MEIG1: variants seen among roughly 807,000 people sequenced by gnomAD.
MEIG1 encodes meiosis expressed gene 1 protein homolog.
A neutral mutation model predicts 11.3 loss-of-function variants in MEIG1; 12 were observed. The ratio of observed to expected loss-of-function variants is 1.07; its 90% CI spans 0.68 to 1.73. The LOEUF (loss-of-function observed/expected upper bound fraction) is 1.73, where lower values mean the gene tolerates loss of function less well. Among genes scored for constraint, MEIG1 ranks in the 40% most tolerant of loss-of-function variants. MEIG1 has a pLI of 0.00. For missense variants in MEIG1, 119 were observed against 104.9 expected, an observed-to-expected ratio of 1.13 and a Z score of -0.59; for synonymous variants, 41 against 33.2, an observed-to-expected ratio of 1.24 and a Z score of -0.81.
upstream of MEIG1, among the ~76,000 whole-genome samples, chr10:14,954,677 T>C (rs149183018): frequency 2.6e-5 from 4 of 152,172 alleles, no homozygotes; most frequent in African/African-American, 9.6e-5. Flanking sequence ...TGCTGGCCTC[T>C]CCCCTGGGCC....
Position 14,987,138 on chromosome 10 carries a change from T to C in MEIG1, n.285+124T>C, listed in dbSNP as rs180776747. 8.9e-5 allele frequency: 77 copies of C among 865,666 alleles called. 3 individuals are homozygous for C. In the South Asian group the frequency reaches 1.0e-3, roughly 12 times the overall value. The allele number at this position is 865,666 out of a possible 1,614,324, so 53.6% of individuals were successfully genotyped here. A position where few individuals can be genotyped will look rare whatever the true frequency, so the allele number is the denominator to read the frequency against. ...AAAAGGACCAAGAAAGACATCTGTG[T>C]CAGGCAGCCCGCATGAGAGATGACT... On this transcript the variant is annotated intron_variant and non_coding_transcript_variant, in intron 2 of 2. Transcript: ENST00000467536.
chr10:14,980,601 G>A (rs1199351994), intron 1 of MEIG1, among the ~76,000 whole-genome samples: 1 of 152,106 alleles, frequency 6.6e-6, no homozygotes, highest in Non-Finnish European at 1.5e-5. Flanking sequence ...AGGGCAATCC[G>A]TTCTCTTGGC....
chr10:14,975,206 T>C (rs555350566), downstream of MEIG1, among the ~76,000 whole-genome samples: 9 of 152,192 alleles, frequency 5.9e-5, no homozygotes, highest in South Asian at 1.9e-3. Context: ...TTCTGTGACA[T>C]TGTTCCTAAT....
intron 2 of MEIG1, among the ~76,000 whole-genome samples, chr10:14,967,031 G>C (rs920251134): frequency 2.0e-5 from 3 of 152,160 alleles, no homozygotes; most frequent in African/African-American, 7.2e-5. Flanking sequence ...AGGACGCCCA[G>C]CCAGACTCTC....
intron 1 of MEIG1, among the ~76,000 whole-genome samples, chr10:14,961,993 T>C (rs1325259290): frequency 6.6e-6 from 1 of 151,924 alleles, no homozygotes; most frequent in Non-Finnish European, 1.5e-5. Context: ...TTTGTAGAGA[T>C]AGGGTCTCAC....
At chr10:14,980,294 GTA>G (rs1209969132) in intron 1 of MEIG1, among the ~76,000 whole-genome samples, 1 of 151,996 alleles carries the variant, frequency 6.6e-6, no homozygotes, top group East Asian at 1.9e-4. Context: ...TCACAGCGGT[GTA>G]TATCCTGCGA....
At chr10:14,981,552 C>G (rs936218081) in intron 1 of MEIG1, among the ~76,000 whole-genome samples, 1 of 152,060 alleles carries the variant, frequency 6.6e-6, no homozygotes, top group Non-Finnish European at 1.5e-5. Context: ...CGGTTACTAG[C>G]GAATGTTCAG....
intron 1 of MEIG1, among the ~76,000 whole-genome samples, chr10:14,985,845 T>G (rs959129103): frequency 6.6e-6 from 1 of 152,054 alleles, no homozygotes; most frequent in Non-Finnish European, 1.5e-5. Context: ...GTGTATACCC[T>G]GTGATAGTAT....
At chr10:14,977,807 T>C (rs1312071739), downstream of MEIG1, among the ~76,000 whole-genome samples, 2 of 151,954 alleles carry the variant, frequency 1.3e-5, no homozygotes, top group Non-Finnish European at 2.9e-5. Context: ...GTACACCATG[T>C]GTGTACACTC....
chr10:14,967,314 T>G (rs1416001288), intron 2 of MEIG1, among the ~76,000 whole-genome samples: 1 of 151,042 alleles, frequency 6.6e-6, no homozygotes, highest in South Asian at 2.1e-4. Flanking sequence ...AATCCTGTGG[T>G]TTTTGGGGCA....
intron 1 of MEIG1, among the ~76,000 whole-genome samples, chr10:14,964,083 C>T (rs1374721294): frequency 2.3e-5 from 3 of 130,140 alleles, no homozygotes; most frequent in African/African-American, 3.0e-5. Flanking sequence ...GGTGACAGAG[C>T]GAGACTCCGT....
downstream of MEIG1, among the ~76,000 whole-genome samples, chr10:14,974,009 T>C (rs1216436156): frequency 3.9e-5 from 6 of 152,134 alleles, no homozygotes; most frequent in Admixed American, 6.6e-5. Flanking sequence ...TGATAGGCCT[T>C]ACACAGTCTC....
chr10:14,981,857 T>C (rs867840361), intron 1 of MEIG1, among the ~76,000 whole-genome samples: 1 of 152,224 alleles, frequency 6.6e-6, no homozygotes, highest in Admixed American at 6.5e-5. Context: ...CCTTGCTTCT[T>C]TGGGGGGACC....
At chr10:14,972,408 A>G (rs1277312025) in intron 2 of MEIG1, 105 bp from the exon 3 acceptor site, 1 of 1,434,068 alleles carries the variant, frequency 7.0e-7, no homozygotes, top group Non-Finnish European at 9.7e-7. Context: ...ATCTAATCTT[A>G]TACTTTGTTT....
chr10:14,973,259 T>C (rs1418972404), downstream of MEIG1, among the ~76,000 whole-genome samples: 2 of 152,178 alleles, frequency 1.3e-5, no homozygotes, highest in South Asian at 4.1e-4. Flanking sequence ...TATTTTCTTA[T>C]AGCAGATAGT....
rs531224469 is a variant in MEIG1 at position 14,980,520 on chromosome 10, G to A, written n.67-6276G>A. On this transcript the variant is annotated intron_variant and non_coding_transcript_variant, in intron 1 of 2. Transcript: ENST00000467536. Reference sequence around the variant, plus strand: ...AATCTTATTCAGAATATGAAGTAACGTACCTGCTGTCAGGAGATCTGAGCT... The same window carrying A: ...AATCTTATTCAGAATATGAAGTAACATACCTGCTGTCAGGAGATCTGAGCT... Among the ~76,000 whole-genome samples the A allele has an allele frequency of 7.9e-5, 12 of 152,270 alleles. No individual in the cohort carries two copies. In the South Asian group the frequency reaches 1.7e-3, roughly 21 times the overall value.
chr10:14,972,761 A>T lies in MEIG1; in HGVS notation c.*120A>T. On this transcript the variant is annotated 3_prime_UTR_variant, in exon 3 of 3. Transcript: ENST00000407572. ...GCAGTCTGCAGTTTAATGTTTTGTG[A>T]AACACAAAAGCCATGAGAATTGGTA... The T allele has an allele frequency of 9.9e-7, 1 of 1,013,416 alleles. No individual in the cohort carries two copies. The highest frequency in any genetic ancestry group is 1.4e-6 in the Non-Finnish European group (1 of 714,134). 62.8% of individuals were successfully genotyped at this position (1,013,416 alleles called of 1,614,324 possible).
At chr10:14,976,861 C>A (rs1368643608), downstream of MEIG1, among the ~76,000 whole-genome samples, 2 of 152,010 alleles carry the variant, frequency 1.3e-5, no homozygotes. Flanking sequence ...TCCTAATATC[C>A]TAGCAGGAGT....
downstream of MEIG1, among the ~76,000 whole-genome samples, chr10:14,976,523 A>G (rs1447330362): frequency 6.6e-6 from 1 of 151,934 alleles, no homozygotes; most frequent in Non-Finnish European, 1.5e-5. Context: ...GGGTTTGTAC[A>G]CCTTGTCAAA....
Sources: allele counts gnomAD v4.1 joint callset (sites outside exome capture counted in the v4.1 genomes callset), GRCh38; gene constraint gnomAD v4.1.1; transcripts MANE v1.5; gene names NCBI Gene and HGNC (gene_info 2026-07-23, HGNC 2026-07-21).